Variants in IKZF4 observed in about 807,000 individuals in gnomAD.
IKZF4 encodes IKAROS family zinc finger 4, also known as zinc finger protein Eos.
A neutral mutation model predicts 47.7 loss-of-function variants in IKZF4; 11 were observed. The ratio of observed to expected loss-of-function variants is 0.23; its 90% CI spans 0.15 to 0.38. IKZF4 has a LOEUF of 0.38. Among genes scored for constraint, IKZF4 ranks in the 10% least tolerant of loss-of-function variants. IKZF4 has a pLI of 1.00. For missense variants in IKZF4, 557 were observed against 784.9 expected (o/e 0.71, Z 3.47); for synonymous variants, 298 against 299.4 (o/e 1.00, Z 0.05).
chr12:56,025,871 G>A (rs1026491995), intron 3 of IKZF4, among the ~76,000 whole-genome samples: 16 of 152,132 alleles, frequency 1.1e-4, no homozygotes, highest in Non-Finnish European at 2.9e-5. Context: ...CATGACAAGA[G>A]AGTAGAGAAA....
chr12:56,013,403 C>T (rs1891586142), intron 2 of IKZF4, among the ~76,000 whole-genome samples: 1 of 152,052 alleles, frequency 6.6e-6, no homozygotes, highest in African/African-American at 2.4e-5. Context: ...GCCACGTTGG[C>T]CAAGCTGATC....
rs1895160267 is a variant in IKZF4 at position 56,033,291 on chromosome 12, C to T, written c.967C>T (p.Arg323Cys). The T allele has an allele frequency of 2.5e-6, 4 of 1,614,048 alleles. No homozygotes were observed. The highest frequency in any genetic ancestry group is 3.4e-6 in the Non-Finnish European group (4 of 1,179,904). ...TCGTCTGGCCAATAGCCTCACCAAA[C>T]GCAAGCGTTCCACACCCCAGAAGTT... ...IDRLANSLTK[R>C]KRSTPQKFVG... The change falls in exon 7 of 8, where the codon CGC becomes TGC. Residue 323 changes from arginine (R) to cysteine (C), a missense_variant. Physicochemically the swap from Arg to Cys is radical, Grantham distance 180. Transcript: ENST00000547167.
In IKZF4 at chr12:56,026,864, G is replaced by A. The variant is rs768086136; in HGVS notation, c.370G>A (p.Asp124Asn). Residue 124 changes from aspartate (D) to asparagine (N), a missense_variant, in exon 4 of 8, where the codon GAC becomes AAC. Physicochemically the swap from Asp to Asn is conservative, Grantham distance 23 (BLOSUM62 1). Coordinates refer to ENST00000547167, the MANE Select transcript of IKZF4 (RefSeq NM_022465.4). ...GPDERLLEKDDSVIVEDSLSE... is the reference protein window; with the variant it reads ...GPDERLLEKDNSVIVEDSLSE... Reference sequence around the variant, plus strand: ...AGATGAGCGGCTCCTGGAAAAGGACGACAGCGTGATTGTGGAAGATTCATT... The same window carrying A: ...AGATGAGCGGCTCCTGGAAAAGGACAACAGCGTGATTGTGGAAGATTCATT... 16 of 1,613,220 alleles carry A rather than the reference G, an allele frequency of 9.9e-6. No individual in the cohort carries two copies. Among genetic ancestry groups the A allele is most frequent in the African/African-American group, 2.7e-5 (2 of 74,882 alleles).
At chr12:56,023,098 C>T (rs1018549551) in intron 1 of IKZF4, among the ~76,000 whole-genome samples, 7 of 152,102 alleles carry the variant, frequency 4.6e-5, no homozygotes, top group East Asian at 1.9e-4. Context: ...CGCGCCCGGC[C>T]GCCCTCAGTG....
At position 56,027,412 on chromosome 12, in the gene IKZF4, A is replaced by AAAC. The variant is rs142401811; in HGVS notation, c.548-344_548-342dup. Among the ~76,000 whole-genome samples the AAAC allele has an allele frequency of 2.0e-3, 298 of 152,042 alleles. 4 individuals are homozygous for AAAC. The highest frequency in any genetic ancestry group is 0.012 in the East Asian group (62 of 5,180). On this transcript the variant is annotated intron_variant, in intron 4 of 7. Transcript: ENST00000547167. Reference sequence around the variant, plus strand: ...TGGGCCCTCCCATCTAATAATTAAAAAACAACAACAACAACAACAACAACA... The same window carrying AAAC: ...TGGGCCCTCCCATCTAATAATTAAAAAACAACAACAACAACAACAACAACAACA...
chr12:56,035,336 C>G lies in IKZF4; in HGVS notation c.*5C>G. ...GGGGAGCATAAGGTGGGCTAGCAACCTCTCCCTCTCTCCTCAGTCCACCAC... is the reference window on the plus strand; with the variant it reads ...GGGGAGCATAAGGTGGGCTAGCAACGTCTCCCTCTCTCCTCAGTCCACCAC... On this transcript the variant is annotated 3_prime_UTR_variant, in exon 8 of 8. Transcript: ENST00000547167. The surrounding 1 kb of genome is among the most constrained non-coding windows in gnomAD (Gnocchi z 6.1). The G allele has an allele frequency of 6.3e-7, 1 of 1,598,808 alleles. No individual in the cohort carries two copies. Among genetic ancestry groups the G allele is most frequent in the Non-Finnish European group, 8.5e-7 (1 of 1,171,764 alleles).
At chr12:56,029,410 G>A (rs1309008932) in intron 5 of IKZF4, among the ~76,000 whole-genome samples, 1 of 152,218 alleles carries the variant, frequency 6.6e-6, no homozygotes, top group African/African-American at 2.4e-5. Context: ...GAAGGAGGGA[G>A]CTCAAGATTG....
intron 1 of IKZF4, among the ~76,000 whole-genome samples, chr12:56,010,909 C>A (rs1311110808): frequency 1.3e-5 from 2 of 152,170 alleles, no homozygotes; most frequent in Non-Finnish European, 2.9e-5. Flanking sequence ...GCAGAGAAGC[C>A]TGAAAACATC....
intron 2 of IKZF4, among the ~76,000 whole-genome samples, chr12:56,015,401 CT>C: frequency 6.6e-6 from 1 of 150,892 alleles, no homozygotes; most frequent in South Asian, 2.1e-4. Flanking sequence ...ACTTTGCATT[CT>C]TTTTTTTTCT....
Position 56,031,193 on chromosome 12 carries a change from G to A in IKZF4, c.716-1368G>A, listed in dbSNP as rs568202968. ...TTGAACCCAGGAGGTAGAGGTTGCA[G>A]TGAGCCGAGATCGTGCCACTGCACT... On this transcript the variant is annotated intron_variant, in intron 5 of 7. Coordinates refer to ENST00000547167, the MANE Select transcript of IKZF4 (RefSeq NM_022465.4). Among the ~76,000 whole-genome samples the A allele has an allele frequency of 3.3e-5, 5 of 152,300 alleles. No homozygotes were observed. In the East Asian group the frequency reaches 5.8e-4, roughly 18 times the overall value.
Position 56,026,778 on chromosome 12 carries a change from C to A in IKZF4, c.287-3C>A. On this transcript the variant is annotated splice_polypyrimidine_tract_variant and splice_region_variant and intron_variant, in intron 3 of 7. Transcript: ENST00000547167. ...CTATTCTAAACACCATCCCACCCCT[C>A]AGCCAACTCCATCAAGGTGGAGATG... 6.4e-7 allele frequency: 1 copy of A among 1,558,586 alleles called. No individual in the cohort carries two copies. The highest frequency in any genetic ancestry group is 8.7e-7 in the Non-Finnish European group (1 of 1,149,398).
chr12:56,021,333 C>T lies in IKZF4; in HGVS notation c.-161C>T, dbSNP rs975555251. The T allele has an allele frequency of 4.2e-5, 63 of 1,499,880 alleles. No individual in the cohort carries two copies. The highest frequency in any genetic ancestry group is 5.0e-5 in the Non-Finnish European group (56 of 1,126,268). The allele number at this position is 1,499,880 out of a possible 1,614,324, so 92.9% of individuals were successfully genotyped here. On this transcript the variant is annotated 5_prime_UTR_variant, in exon 1 of 8. Transcript: ENST00000547167. The stretch of plus-strand genomic sequence containing the variant: ...ACACACACACTCAACACACATACAC[C>T]CTGGGCTGAGCTGCTCTTGCTGGCT...
At chr12:56,026,416 G>C (rs560679243) in intron 3 of IKZF4, among the ~76,000 whole-genome samples, 1 of 152,058 alleles carries the variant, frequency 6.6e-6, no homozygotes, top group African/African-American at 2.4e-5. Flanking sequence ...TGGGCCAGGC[G>C]CAGTGGCTCA....
intron 5 of IKZF4, 111 bp downstream of exon 5, chr12:56,028,058 G>C (rs1401334360): frequency 9.8e-6 from 12 of 1,229,122 alleles, no homozygotes; most frequent in South Asian, 8.4e-5. Context: ...ATTGAGGAGG[G>C]GGGAGCATTT....
chr12:56,034,728 C>A lies in IKZF4; in HGVS notation c.1155C>A (p.Arg385=), dbSNP rs1895458837. ...FVGAEHLRPL[R]LPPTNCISEL... is the part of the protein sequence containing the mutation. ...GTGCAGAGCATCTGCGTCCCCTCCG[C>A]CTTCCACCCACCAATTGCATCTCAG... Residue 385 remains arginine, a synonymous_variant, in exon 8 of 8, where the codon CGC becomes CGA. Coordinates refer to ENST00000547167, the MANE Select transcript of IKZF4 (RefSeq NM_022465.4). 1 of 1,614,042 alleles carries A rather than the reference C, an allele frequency of 6.2e-7. No homozygotes were observed. Among genetic ancestry groups the A allele is most frequent in the South Asian group, 1.1e-5 (1 of 91,088 alleles).
At position 56,037,458 on chromosome 12, in the gene IKZF4, G is replaced by A. The variant is rs1329848618; in HGVS notation, c.*2127G>A. 6.6e-6 allele frequency: 1 copy of A among 152,282 alleles called. No individual in the cohort carries two copies. The highest frequency in any genetic ancestry group is 2.4e-5 in the African/African-American group (1 of 41,436). The allele number at this position is 152,282 out of a possible 1,614,324, so 9.4% of individuals were successfully genotyped here. A position where few individuals can be genotyped will look rare whatever the true frequency, so the allele number is the denominator to read the frequency against. On this transcript the variant is annotated 3_prime_UTR_variant, in exon 8 of 8. Coordinates refer to ENST00000547167, the MANE Select transcript of IKZF4 (RefSeq NM_022465.4). ...TCTGGGCTTTTCCTGAACTATTCTGGTTATTGAGCCCTTCCTGTTAGACCT... is the reference window on the plus strand; with the variant it reads ...TCTGGGCTTTTCCTGAACTATTCTGATTATTGAGCCCTTCCTGTTAGACCT...
rs144214764 is a variant in IKZF4, at chr12:56,023,777, A to T, written c.181+13A>T. 1.7e-5 allele frequency: 27 copies of T among 1,612,270 alleles called. No individual in the cohort carries two copies. The highest frequency in any genetic ancestry group is 2.0e-5 in the Non-Finnish European group (23 of 1,179,002). On this transcript the variant is annotated intron_variant, in intron 2 of 7. Transcript: ENST00000547167. ...TTATTTTGTGAAAGTAAGTATGTGCATAGCTGGGCAATTGGGTAAAGTACT... is the reference window on the plus strand; with the variant it reads ...TTATTTTGTGAAAGTAAGTATGTGCTTAGCTGGGCAATTGGGTAAAGTACT...
chr12:56,025,269 C>T, intron 3 of IKZF4, 111 bp downstream of exon 3: 1 of 1,223,176 alleles, frequency 8.2e-7, no homozygotes, highest in Non-Finnish European at 1.1e-6. Flanking sequence ...CTGCTGGTCT[C>T]CTGCTTAGTC....
chr12:56,012,114 T>A (rs1185559501), intron 2 of IKZF4, among the ~76,000 whole-genome samples: 1 of 151,948 alleles, frequency 6.6e-6, no homozygotes. Flanking sequence ...TAAGGGAAAG[T>A]GGAGAAAATT....
Sources: gnomAD v4.1 joint callset for allele counts (sites outside exome capture counted in the v4.1 genomes callset) on GRCh38, gnomAD v4.1.1 for gene constraint, Gnocchi (gnomAD v3.1) non-coding constraint, MANE v1.5 for transcripts, NCBI Gene and HGNC (gene_info 2026-07-23, HGNC 2026-07-21) for gene names.